Variants in TLE1 observed in about 807,000 individuals in gnomAD.
The protein encoded by TLE1 is transducin-like enhancer protein 1.
Under a neutral mutation model 89.8 loss-of-function variants are expected in TLE1, and 21 were observed. The ratio of observed to expected loss-of-function variants is 0.23; its 90% CI spans 0.17 to 0.34. The LOEUF (loss-of-function observed/expected upper bound fraction) is 0.34, where lower values mean the gene tolerates loss of function less well. Among genes scored for constraint, TLE1 ranks in the 10% least tolerant of loss-of-function variants. TLE1 has a pLI of 1.00. For missense variants in TLE1, 795 were observed against 1,031.2 expected (o/e 0.77, Z 3.14); for synonymous variants, 447 against 407.6 (o/e 1.10, Z -1.16).
intron 16 of TLE1, among the ~76,000 whole-genome samples, chr9:81,590,299 G>A (rs1047989390): frequency 2.6e-5 from 4 of 152,176 alleles, no homozygotes; most frequent in African/African-American, 9.7e-5. Flanking sequence ...GGGCTCCTGG[G>A]TGGAACCACC....
intron 16 of TLE1, among the ~76,000 whole-genome samples, chr9:81,589,468 G>C (rs906466133): frequency 1.3e-5 from 2 of 152,174 alleles, no homozygotes; most frequent in African/African-American, 4.8e-5. Flanking sequence ...GAGTGGTCCA[G>C]AGAAAGATTT....
At chr9:81,671,863 G>C (rs1016004571) in intron 4 of TLE1, among the ~76,000 whole-genome samples, 6 of 152,142 alleles carry the variant, frequency 3.9e-5, no homozygotes, top group Non-Finnish European at 8.8e-5. Context: ...AAAAAGTACA[G>C]AAGTTGGATA....
At chr9:81,644,497 G>T (rs1828571297) in intron 6 of TLE1, among the ~76,000 whole-genome samples, 1 of 152,168 alleles carries the variant, frequency 6.6e-6, no homozygotes, top group African/African-American at 2.4e-5. Context: ...ATTCATATGA[G>T]ATGTCCAGAA....
chr9:81,617,032 G>A lies in TLE1; in HGVS notation c.712-333C>T, dbSNP rs116253325. Among the ~76,000 whole-genome samples the A allele has an allele frequency of 1.1e-4, 16 of 150,930 alleles. No homozygotes were observed. The East Asian group carries it at 2.4e-3, about 22-fold the overall frequency. ...AATGGTTGCAACAGCTGAATTTCTCGAGGGATGAAATCTTTAATTTGAGAT... is the reference window on the plus strand; with the variant it reads ...AATGGTTGCAACAGCTGAATTTCTCAAGGGATGAAATCTTTAATTTGAGAT... On this transcript the variant is annotated intron_variant, in intron 9 of 19. Coordinates refer to ENST00000376499, the MANE Select transcript of TLE1 (RefSeq NM_005077.5).
chr9:81,607,800 TG>T (rs1831887924), intron 14 of TLE1, among the ~76,000 whole-genome samples: 1 of 152,200 alleles, frequency 6.6e-6, no homozygotes, highest in Non-Finnish European at 1.5e-5. Flanking sequence ...GGTACTCAAC[TG>T]GAAGAGAACT....
chr9:81,674,686 A>C (rs1476519438), intron 4 of TLE1, among the ~76,000 whole-genome samples: 1 of 152,250 alleles, frequency 6.6e-6, no homozygotes, highest in Non-Finnish European at 1.5e-5. Context: ...AGAGAGGAGG[A>C]CTTTGTAAGG....
chr9:81,642,256 T>C (rs1401696944), intron 6 of TLE1, among the ~76,000 whole-genome samples: 2 of 152,230 alleles, frequency 1.3e-5, no homozygotes, highest in Non-Finnish European at 2.9e-5. Context: ...TCTGAAGTGC[T>C]TGGGACCAGC....
At chr9:81,632,695 T>A (rs886496279) in intron 8 of TLE1, among the ~76,000 whole-genome samples, 1 of 152,172 alleles carries the variant, frequency 6.6e-6, no homozygotes, top group African/African-American at 2.4e-5. Flanking sequence ...TGAGTGTGAC[T>A]TAGGCTGGTG....
At chr9:81,664,082 C>T (rs1831162736) in intron 4 of TLE1, among the ~76,000 whole-genome samples, 1 of 152,198 alleles carries the variant, frequency 6.6e-6, no homozygotes, top group Middle Eastern at 3.4e-3. Flanking sequence ...ACAAAATCCA[C>T]AAACACATCT....
chr9:81,641,592 G>A (rs1828126733), intron 6 of TLE1, among the ~76,000 whole-genome samples: 1 of 152,102 alleles, frequency 6.6e-6, no homozygotes, highest in Non-Finnish European at 1.5e-5. Flanking sequence ...TAAAAAATAA[G>A]TATCCTAATT....
At chr9:81,596,070 C>T (rs1830167991) in intron 14 of TLE1, among the ~76,000 whole-genome samples, 1 of 152,120 alleles carries the variant, frequency 6.6e-6, no homozygotes, top group African/African-American at 2.4e-5. Context: ...CTTCCTCCAA[C>T]TGGAAGCCTG....
chr9:81,668,295 T>A (rs1041710725), intron 4 of TLE1, among the ~76,000 whole-genome samples: 5 of 152,162 alleles, frequency 3.3e-5, no homozygotes, highest in African/African-American at 9.7e-5. Flanking sequence ...GAAGTTTTAT[T>A]TTCTCAAAAG....
intron 14 of TLE1, among the ~76,000 whole-genome samples, chr9:81,597,966 A>G (rs552418954): frequency 6.6e-5 from 10 of 152,266 alleles, no homozygotes; most frequent in African/African-American, 1.9e-4. Flanking sequence ...ACAGGTGTTT[A>G]CAGGGTTGTT....
intron 16 of TLE1, among the ~76,000 whole-genome samples, chr9:81,589,557 G>A (rs1326621905): frequency 2.0e-5 from 3 of 152,116 alleles, no homozygotes; most frequent in African/African-American, 7.2e-5. Context: ...GAGTACAGAC[G>A]AGAGCAGAAT....
At chr9:81,649,715 G>T (rs1013428993) in intron 6 of TLE1, among the ~76,000 whole-genome samples, 1 of 152,102 alleles carries the variant, frequency 6.6e-6, no homozygotes, top group Non-Finnish European at 1.5e-5. Context: ...TACTCTGCGC[G>T]CAGCTGCTGC....
chr9:81,688,373 G>C lies in TLE1; in HGVS notation c.-133C>G, dbSNP rs561294445. 48 of 1,036,304 alleles carry C rather than the reference G, an allele frequency of 4.6e-5. No homozygotes were observed. The South Asian group carries it at 1.0e-3, about 22-fold the overall frequency. The allele number at this position is 1,036,304 out of a possible 1,614,324, so 64.2% of individuals were successfully genotyped here. On this transcript the variant is annotated 5_prime_UTR_variant, in exon 1 of 20. Coordinates refer to ENST00000376499, the MANE Select transcript of TLE1 (RefSeq NM_005077.5). The stretch of plus-strand genomic sequence containing the variant: ...GGGAGCGCGCTGGCCACGCACGCGC[G>C]CTCCGCCGGGCGCACCGGCCACTCG...
At chr9:81,611,569 A>G (rs577294698) in intron 13 of TLE1, among the ~76,000 whole-genome samples, 200 bp downstream of exon 13, 7 of 152,356 alleles carry the variant, frequency 4.6e-5, no homozygotes, top group African/African-American at 1.4e-4. Flanking sequence ...GCCCTCACTT[A>G]ATGAAGCAGC....
intron 8 of TLE1, among the ~76,000 whole-genome samples, chr9:81,627,318 CTT>C (rs56255759): frequency 2.7e-5 from 4 of 147,636 alleles, no homozygotes; most frequent in African/African-American, 2.5e-5. Flanking sequence ...TGTTCTCTCA[CTT>C]TTTTTTTTTT....
At chr9:81,590,079 A>G (rs1038003755) in intron 16 of TLE1, among the ~76,000 whole-genome samples, 1 of 152,224 alleles carries the variant, frequency 6.6e-6, no homozygotes, top group African/African-American at 2.4e-5. Context: ...CCCAGCAAAG[A>G]TGAAACAAGA....
Sources: allele counts gnomAD v4.1 joint callset (sites outside exome capture counted in the v4.1 genomes callset), GRCh38; gene constraint gnomAD v4.1.1; transcripts MANE v1.5; gene names NCBI Gene and HGNC (gene_info 2026-07-23, HGNC 2026-07-21).